The following DNMT3A variants were observed in gnomAD, a reference collection of about 807,000 sequenced individuals.
DNMT3A encodes the protein DNA methyltransferase 3 alpha.
Under a neutral mutation model 117.6 loss-of-function variants are expected in DNMT3A, and 267 were observed. The observed-to-expected ratio is 2.27, with a 90% CI of 2.05 to 2.51. The LOEUF is 2.51. DNMT3A is among the 30% of genes most tolerant of loss of function. The probability of loss-of-function intolerance (pLI) is 0.00; values close to 1 mark genes in which losing one functional copy is unlikely to be tolerated. For synonymous variants in DNMT3A, 432 were observed against 474.8 expected (o/e 0.91, Z 1.17); for missense variants, 1,029 against 1,260.2 (o/e 0.82, Z 2.78).
chr2:25,284,678 C>G (rs974805875), intron 3 of DNMT3A, among the ~76,000 whole-genome samples: 5 of 61,462 alleles, frequency 8.1e-5, no homozygotes, highest in African/African-American at 3.1e-4. Flanking sequence ...AAAAAAAAGA[C>G]TATACAAAAA....
chr2:25,302,628 C>G (rs936224582), intron 2 of DNMT3A, among the ~76,000 whole-genome samples: 3 of 152,168 alleles, frequency 2.0e-5, no homozygotes, highest in Non-Finnish European at 4.4e-5. Flanking sequence ...CCCAAGGGCA[C>G]ACGCCCCATG....
At chr2:25,325,409 T>A (rs1435950508) in intron 1 of DNMT3A, among the ~76,000 whole-genome samples, 2 of 152,132 alleles carry the variant, frequency 1.3e-5, no homozygotes, top group East Asian at 3.9e-4. Context: ...ATGGGTCTGA[T>A]TTTATCATCC....
At chr2:25,280,244 A>G (rs930167133) in intron 4 of DNMT3A, among the ~76,000 whole-genome samples, 1 of 151,810 alleles carries the variant, frequency 6.6e-6, no homozygotes, top group African/African-American at 2.4e-5. Flanking sequence ...TCCAGATGAC[A>G]TGAGCTTTTC....
At chr2:25,315,043 G>A (rs751972677) in intron 1 of DNMT3A, among the ~76,000 whole-genome samples, 3 of 152,180 alleles carry the variant, frequency 2.0e-5, no homozygotes, top group Non-Finnish European at 4.4e-5. Flanking sequence ...GGAGGCGGCC[G>A]CCAAGCCCCT....
chr2:25,249,742 A>G, intron 6 of DNMT3A: 1 of 1,613,954 alleles, frequency 6.2e-7, no homozygotes, highest in Non-Finnish European at 8.5e-7. Flanking sequence ...GGAGAATGAA[A>G]TCCTTGATAC....
At position 25,325,285 on chromosome 2, in the gene DNMT3A, C is replaced by T. The variant is rs149137483; in HGVS notation, c.-177-11124G>A. 2.4e-3 allele frequency among the ~76,000 whole-genome samples: 366 copies of T among 152,324 alleles called. 2 individuals are homozygous for T. The highest frequency in any genetic ancestry group is 8.3e-3 in the African/African-American group (346 of 41,556). On this transcript the variant is annotated intron_variant, in intron 1 of 22. Transcript: ENST00000321117. ...GGAGAAGCCCTGTCTAGGGGTCACA[C>T]GTGCTGTGGGTCAGATGGGCTTCCC...
intron 3 of DNMT3A, among the ~76,000 whole-genome samples, chr2:25,284,094 G>A (rs2032096970): frequency 6.6e-6 from 1 of 152,236 alleles, no homozygotes; most frequent in African/African-American, 2.4e-5. Context: ...GGGTCCCCAT[G>A]GCTCGGCACT....
Position 25,248,198 on chromosome 2 carries a change from C to T in DNMT3A, c.694G>A (p.Gly232Arg), listed in dbSNP as rs916077424. The part of the protein sequence containing the change: ...AGMNAVEENQ[G>R]PGESQKVEEA... ...TCCACCTTCTGAGACTCCCCGGGCC[C>T]CTGGTTTTCTTCCACAGCATTCATT... The change falls in exon 7 of 23, where the codon GGG (glycine) becomes AGG (arginine). Residue 232 changes from glycine (G) to arginine (R), a missense_variant. Coordinates refer to ENST00000321117, the MANE Select transcript of DNMT3A (RefSeq NM_022552.5). The T allele has an allele frequency of 4.3e-6, 7 of 1,613,064 alleles. No homozygotes were observed. The Admixed American group carries it at 1.2e-4, about 27-fold the overall frequency.
At chr2:25,318,877 T>G (rs556349814) in intron 1 of DNMT3A, among the ~76,000 whole-genome samples, 219 of 148,574 alleles carry the variant, frequency 1.5e-3, no homozygotes, top group African/African-American at 5.1e-3. Flanking sequence ...TTTTTTCTAT[T>G]TTTAGTAGAG....
chr2:25,282,168 A>C lies in DNMT3A; in HGVS notation c.448+273T>G. Reference sequence around the variant, plus strand: ...GCCAGATCTAGCTTTTTTTTTTTTCATGAGAAGCCAAAACTCCAGATTTTT... The same window carrying C: ...GCCAGATCTAGCTTTTTTTTTTTTCCTGAGAAGCCAAAACTCCAGATTTTT... On this transcript the variant is annotated intron_variant, in intron 4 of 22. Coordinates refer to ENST00000321117, the MANE Select transcript of DNMT3A (RefSeq NM_022552.5). The surrounding 1 kb of genome is among the most constrained non-coding windows in gnomAD (Gnocchi z 5.2). 8.7e-7 allele frequency: 1 copy of C among 1,152,056 alleles called. No individual in the cohort carries two copies. The highest frequency in any genetic ancestry group is 2.7e-5 in the South Asian group (1 of 36,758). 71.4% of individuals were successfully genotyped at this position (1,152,056 alleles called of 1,614,324 possible). A position where few individuals can be genotyped will look rare whatever the true frequency, so the allele number is the denominator to read the frequency against.
chr2:25,316,352 C>T (rs2034380967), intron 1 of DNMT3A, among the ~76,000 whole-genome samples: 1 of 152,208 alleles, frequency 6.6e-6, no homozygotes, highest in African/African-American at 2.4e-5. Context: ...AGATTCTCTT[C>T]CTCCTCCCCT....
At chr2:25,319,971 T>C (rs978754422) in intron 1 of DNMT3A, among the ~76,000 whole-genome samples, 2 of 152,220 alleles carry the variant, frequency 1.3e-5, no homozygotes, top group African/African-American at 2.4e-5. Flanking sequence ...GATTTTGCCA[T>C]GTTGGCCAGG....
At position 25,234,179 on chromosome 2, in the gene DNMT3A, A is replaced by ACTT; in HGVS notation, c.*97_*99dup. ...TCCTTTTTCTCTTCTGGGTGCTGAT[A>ACTT]CTTCTCTCCATCCTCATGTTCTTGG... On this transcript the variant is annotated 3_prime_UTR_variant, in exon 23 of 23. Transcript: ENST00000321117. This position sits in a 1 kb window ranked among gnomAD's most constrained non-coding sequence, Gnocchi z 4.5. The ACTT allele has an allele frequency of 6.8e-7, 1 of 1,479,532 alleles. No individual in the cohort carries two copies. The highest frequency in any genetic ancestry group is 9.1e-7 in the Non-Finnish European group (1 of 1,104,926). 91.7% of individuals were successfully genotyped at this position (1,479,532 alleles called of 1,614,324 possible).
At position 25,316,140 on chromosome 2, in the gene DNMT3A, G is replaced by A. The variant is rs575960584; in HGVS notation, c.-177-1979C>T. Among the ~76,000 whole-genome samples, 18 of 152,358 alleles carry A rather than the reference G, an allele frequency of 1.2e-4. No homozygotes were observed. The East Asian group carries it at 3.1e-3, about 26-fold the overall frequency. On this transcript the variant is annotated intron_variant, in intron 1 of 22. Transcript: ENST00000321117. Reference sequence around the variant, plus strand: ...ACAGGGCACCCCAAATGGAGTCGGGGGAGACCCAGGCACAAAGGAAGCGGG... The same window carrying A: ...ACAGGGCACCCCAAATGGAGTCGGGAGAGACCCAGGCACAAAGGAAGCGGG...
Position 25,304,376 on chromosome 2 carries a change from T to G in DNMT3A, c.73-4133A>C, listed in dbSNP as rs2033675352. Among the ~76,000 whole-genome samples, 1 of 152,224 alleles carries G rather than the reference T, an allele frequency of 6.6e-6. No individual in the cohort carries two copies. Among genetic ancestry groups the G allele is most frequent in the Non-Finnish European group, 1.5e-5 (1 of 68,044 alleles). On this transcript the variant is annotated intron_variant, in intron 2 of 22. Coordinates refer to ENST00000321117, the MANE Select transcript of DNMT3A (RefSeq NM_022552.5). This position sits in a 1 kb window ranked among gnomAD's most constrained non-coding sequence, Gnocchi z 4.3. ...GCAAAAGCTGACACGTGATAGTCAC[T>G]CGAGAACTGCTACCTTCCCCCGCTC... is the stretch of plus-strand genomic sequence containing the variant.
intron 3 of DNMT3A, among the ~76,000 whole-genome samples, chr2:25,287,920 C>T: frequency 6.6e-6 from 1 of 151,800 alleles, no homozygotes; most frequent in Admixed American, 6.6e-5. Context: ...CTACAACCTC[C>T]ACCTCCTGGG....
chr2:25,255,559 A>C (rs1676035826), intron 6 of DNMT3A, among the ~76,000 whole-genome samples: 2 of 152,230 alleles, frequency 1.3e-5, no homozygotes, highest in Non-Finnish European at 2.9e-5. Flanking sequence ...TTTGGTGGGC[A>C]GACAACAGTG....
rs920962242 is a variant in DNMT3A, at chr2:25,257,631, G to A, written c.640-9379C>T. Among the ~76,000 whole-genome samples the A allele has an allele frequency of 1.3e-5, 2 of 152,158 alleles. No individual in the cohort carries two copies. Among genetic ancestry groups the A allele is most frequent in the Admixed American group, 1.3e-4 (2 of 15,288 alleles). On this transcript the variant is annotated intron_variant, in intron 6 of 22. Coordinates refer to ENST00000321117, the MANE Select transcript of DNMT3A (RefSeq NM_022552.5). This position sits in a 1 kb window ranked among gnomAD's most constrained non-coding sequence, Gnocchi z 4.8. ...GGCCAGTCAATCCTTAGCACAGGCA[G>A]AACTTCCTTTCTTTTCACGAGGGCC... is the stretch of plus-strand genomic sequence containing the variant.
intron 16 of DNMT3A, among the ~76,000 whole-genome samples, 182 bp downstream of exon 16, chr2:25,243,716 T>C (rs1674351173): frequency 6.6e-6 from 1 of 152,274 alleles, no homozygotes; most frequent in African/African-American, 2.4e-5. Flanking sequence ...TTTTTTATTT[T>C]TGGTCAAATC....
Sources: gnomAD v4.1 joint callset for allele counts (sites outside exome capture counted in the v4.1 genomes callset) on GRCh38, gnomAD v4.1.1 for gene constraint, Gnocchi (gnomAD v3.1) non-coding constraint, MANE v1.5 for transcripts, NCBI Gene and HGNC (gene_info 2026-07-23, HGNC 2026-07-21) for gene names.